Variants in CSNK1G1 observed in about 807,000 individuals in gnomAD.
CSNK1G1 encodes the protein casein kinase I isoform gamma-1.
Under a neutral mutation model 59.6 loss-of-function variants are expected in CSNK1G1, and 22 were observed. The observed-to-expected ratio is 0.37, with a 90% confidence interval of 0.26 to 0.53. The LOEUF is 0.53. Among genes scored for constraint, CSNK1G1 ranks in the 20% least tolerant of loss-of-function variants. CSNK1G1 has a pLI of 0.89. For synonymous variants in CSNK1G1, 179 were observed against 177.1 expected (o/e 1.01, Z -0.08); for missense variants, 384 against 519.5 (o/e 0.74, Z 2.54).
chr15:64,173,619 C>CTTTTTTT (rs928192194), intron 11 of CSNK1G1, among the ~76,000 whole-genome samples: 45 of 108,554 alleles, frequency 4.1e-4, no homozygotes, highest in Non-Finnish European at 5.6e-4. Flanking sequence ...CTTTTCTTTT[C>CTTTTTTT]TTTTTTTTTT....
intron 4 of CSNK1G1, among the ~76,000 whole-genome samples, chr15:64,248,924 T>A (rs1172398988): frequency 1.3e-5 from 2 of 152,010 alleles, no homozygotes; most frequent in African/African-American, 4.8e-5. Flanking sequence ...ATCGAGACCA[T>A]CCTGGCTAAC....
At chr15:64,193,217 T>C (rs2081994846) in intron 10 of CSNK1G1, among the ~76,000 whole-genome samples, 2 of 151,950 alleles carry the variant, frequency 1.3e-5, no homozygotes, top group South Asian at 4.2e-4. Flanking sequence ...AGGAGCCAGC[T>C]GTGGTGGCTC....
intron 2 of CSNK1G1, among the ~76,000 whole-genome samples, chr15:64,264,188 T>C (rs1892856742): frequency 2.0e-5 from 3 of 152,102 alleles, no homozygotes; most frequent in Admixed American, 2.0e-4. Context: ...CGGTTTGCTG[T>C]GAACGAAGGG....
chr15:64,278,902 CT>C (rs201242405), intron 2 of CSNK1G1, among the ~76,000 whole-genome samples: 1 of 151,962 alleles, frequency 6.6e-6, no homozygotes, highest in African/African-American at 2.4e-5. Context: ...ATGTGTTTCA[CT>C]TTTTTTTAAG....
intron 2 of CSNK1G1, among the ~76,000 whole-genome samples, chr15:64,282,293 G>T (rs1317229735): frequency 6.6e-6 from 1 of 151,810 alleles, no homozygotes; most frequent in Non-Finnish European, 1.5e-5. Context: ...TTGAGACAGG[G>T]TCTCAGTTGG....
At position 64,300,632 on chromosome 15, in the gene CSNK1G1, T is replaced by C. The variant is rs993431625; in HGVS notation, c.-133A>G. Reference sequence around the variant, plus strand: ...GAGTTCTTTTAGCACCATATTTGTTTGTAATGTATCTCCGGGAGATGAAAA... The same window carrying C: ...GAGTTCTTTTAGCACCATATTTGTTCGTAATGTATCTCCGGGAGATGAAAA... On this transcript the variant is annotated 5_prime_UTR_variant, in exon 2 of 12. Coordinates refer to ENST00000303052, the MANE Select transcript of CSNK1G1 (RefSeq NM_022048.5). The C allele has an allele frequency of 5.1e-6, 7 of 1,368,280 alleles. No homozygotes were observed. The East Asian group carries it at 7.6e-5, about 15-fold the overall frequency. The allele number at this position is 1,368,280 out of a possible 1,614,324, so 84.8% of individuals were successfully genotyped here.
intron 1 of CSNK1G1, among the ~76,000 whole-genome samples, chr15:64,318,973 C>T (rs966749834): frequency 6.6e-6 from 1 of 151,876 alleles, no homozygotes; most frequent in Non-Finnish European, 1.5e-5. Flanking sequence ...TGCTCAGTCT[C>T]CTGAGTAGCT....
intron 1 of CSNK1G1, among the ~76,000 whole-genome samples, chr15:64,351,564 A>C (rs913913544): frequency 1.3e-5 from 2 of 152,198 alleles, no homozygotes; most frequent in Non-Finnish European, 2.9e-5. Context: ...CAGCTAGTAT[A>C]CTATCTCTTA....
At chr15:64,307,205 A>C (rs1466720221) in intron 1 of CSNK1G1, among the ~76,000 whole-genome samples, 3 of 152,192 alleles carry the variant, frequency 2.0e-5, no homozygotes, top group Non-Finnish European at 4.4e-5. Context: ...ATAGTAATGC[A>C]AGACATTAAT....
rs574793250 is a variant in CSNK1G1 at position 64,304,247 on chromosome 15, G to C, written c.-224-3524C>G. Among the ~76,000 whole-genome samples, 7 of 151,848 alleles carry C rather than the reference G, an allele frequency of 4.6e-5. No homozygotes were observed. The East Asian group carries it at 1.4e-3, about 29-fold the overall frequency. On this transcript the variant is annotated intron_variant, in intron 1 of 11. Transcript: ENST00000303052. ...TACTAAAAATACAAAAAAAATTATGGTGGTAGGCGCCTGTAATCCCAGCTA... is the reference window on the plus strand; with the variant it reads ...TACTAAAAATACAAAAAAAATTATGCTGGTAGGCGCCTGTAATCCCAGCTA...
chr15:64,303,916 CA>C (rs66651513), intron 1 of CSNK1G1, among the ~76,000 whole-genome samples: 71,798 of 95,088 alleles, frequency 0.76, 25,861 homozygotes, highest in East Asian at 0.88. Flanking sequence ...AGGCCCTGTC[CA>C]AAAAAAAAAA....
At position 64,167,240 on chromosome 15, in the gene CSNK1G1, A is replaced by G. The variant is rs1217947311; in HGVS notation, c.*4691T>C. 1 of 152,206 alleles carries G rather than the reference A, an allele frequency of 6.6e-6. No individual in the cohort carries two copies. The highest frequency in any genetic ancestry group is 2.4e-5 in the African/African-American group (1 of 41,444). 9.4% of individuals were successfully genotyped at this position (152,206 alleles called of 1,614,324 possible). ...ACTTGTGGCTAAAACATTGCTCAAA[A>G]AGGATAAACCCACATAAGGGCCATG... is the stretch of plus-strand genomic sequence containing the variant. On this transcript the variant is annotated 3_prime_UTR_variant, in exon 12 of 12. Transcript: ENST00000303052.
rs184368584 is a variant in CSNK1G1 at position 64,245,710 on chromosome 15, G to C, written c.292+5802C>G. The stretch of plus-strand genomic sequence containing the variant: ...GTTTGAGCCCAGGAGTTTGAGACCT[G>C]ACTGGGCAGTATAGCGAGACCCCGG... On this transcript the variant is annotated intron_variant, in intron 4 of 11. Transcript: ENST00000303052. 8.0e-4 allele frequency among the ~76,000 whole-genome samples: 121 copies of C among 151,320 alleles called. 1 individual carries two copies. Among genetic ancestry groups the C allele is most frequent in the African/African-American group, 2.7e-3 (112 of 41,234 alleles).
intron 1 of CSNK1G1, among the ~76,000 whole-genome samples, chr15:64,337,521 G>A (rs1897452428): frequency 6.6e-6 from 1 of 151,982 alleles, no homozygotes; most frequent in African/African-American, 2.4e-5. Context: ...ATTTTTTGTA[G>A]AATGGGTCTC....
intron 2 of CSNK1G1, among the ~76,000 whole-genome samples, chr15:64,288,538 T>G (rs1409903939): frequency 1.3e-5 from 2 of 151,970 alleles, no homozygotes; most frequent in Admixed American, 1.3e-4. Flanking sequence ...TATTACATGA[T>G]ACTTTATAAA....
chr15:64,259,069 G>A (rs1383237280), intron 3 of CSNK1G1, 132 bp downstream of exon 3: 5 of 645,982 alleles, frequency 7.7e-6, no homozygotes, highest in Non-Finnish European at 1.3e-5. Flanking sequence ...GAAGAAAAAT[G>A]TGGGATCATA....
rs1374930410 is a variant in CSNK1G1, at chr15:64,168,349, T to A, written c.*3582A>T. 1 of 152,388 alleles carries A rather than the reference T, an allele frequency of 6.6e-6. No homozygotes were observed. Among genetic ancestry groups the A allele is most frequent in the Non-Finnish European group, 1.5e-5 (1 of 68,024 alleles). 9.4% of individuals were successfully genotyped at this position (152,388 alleles called of 1,614,324 possible). On this transcript the variant is annotated 3_prime_UTR_variant, in exon 12 of 12. Transcript: ENST00000303052. Reference sequence around the variant, plus strand: ...ATCCACCCTTGGGGGCAGTCTGGAGTGAGATCTCTGGAAAGCACCAAGGTG... The same window carrying A: ...ATCCACCCTTGGGGGCAGTCTGGAGAGAGATCTCTGGAAAGCACCAAGGTG...
chr15:64,291,365 T>C (rs986733862), intron 2 of CSNK1G1, among the ~76,000 whole-genome samples: 1 of 152,118 alleles, frequency 6.6e-6, no homozygotes, highest in African/African-American at 2.4e-5. Flanking sequence ...AGCGGGCAGA[T>C]CACTTGAAGT....
At chr15:64,241,912 A>G (rs910882504) in intron 4 of CSNK1G1, among the ~76,000 whole-genome samples, 5 of 152,058 alleles carry the variant, frequency 3.3e-5, no homozygotes, top group Non-Finnish European at 7.4e-5. Flanking sequence ...TGAAACAAAA[A>G]GTTGTTTTTT....
Sources: allele counts gnomAD v4.1 joint callset (sites outside exome capture counted in the v4.1 genomes callset), GRCh38; gene constraint gnomAD v4.1.1; transcripts MANE v1.5; gene names NCBI Gene and HGNC (gene_info 2026-07-23, HGNC 2026-07-21).